The following SMU1 variants were observed in gnomAD, a reference collection of about 807,000 sequenced individuals.
The protein encoded by SMU1 is SMU1 DNA replication regulator and spliceosomal factor, also known as WD40 repeat-containing protein SMU1.
A neutral mutation model predicts 62.0 loss-of-function variants in SMU1; 2 were observed. That is an observed-to-expected ratio of 0.03 (90% confidence interval 0.01 to 0.10). The LOEUF is 0.10. Ranked by LOEUF, SMU1 falls within the 10% of genes least tolerant of loss-of-function variation. The probability of loss-of-function intolerance (pLI) is 1.00; values close to 1 mark genes in which losing one functional copy is unlikely to be tolerated. For missense variants in SMU1, 227 were observed against 622.1 expected, an observed-to-expected ratio of 0.36 and a Z score of 6.76; for synonymous variants, 188 against 212.4, an observed-to-expected ratio of 0.89 and a Z score of 1.00.
At chr9:33,071,457 G>C (rs1179327107) in intron 3 of SMU1, among the ~76,000 whole-genome samples, 1 of 152,124 alleles carries the variant, frequency 6.6e-6, no homozygotes, top group Non-Finnish European at 1.5e-5. Context: ...GGCTAATGTG[G>C]AAATGACATC....
chr9:33,061,621 T>TA (rs1313052248), intron 5 of SMU1, among the ~76,000 whole-genome samples: 1 of 152,116 alleles, frequency 6.6e-6, no homozygotes, highest in Non-Finnish European at 1.5e-5. Flanking sequence ...CATAGGAAGA[T>TA]AAAATCATTT....
chr9:33,065,679 C>A (rs1329568147), intron 4 of SMU1, among the ~76,000 whole-genome samples: 3 of 152,118 alleles, frequency 2.0e-5, no homozygotes, highest in African/African-American at 7.2e-5. Flanking sequence ...CCTTCAAGCA[C>A]AAGGCATGCT....
intron 1 of SMU1, among the ~76,000 whole-genome samples, chr9:33,075,926 C>G (rs1477526730): frequency 6.6e-6 from 1 of 152,174 alleles, no homozygotes; most frequent in Admixed American, 6.5e-5. Flanking sequence ...CTAGCCCAGT[C>G]TCCAGTCTGT....
chr9:33,064,084 C>T (rs1205670501), intron 4 of SMU1, among the ~76,000 whole-genome samples: 2 of 151,992 alleles, frequency 1.3e-5, no homozygotes, highest in Non-Finnish European at 2.9e-5. Context: ...TTTATGTTTG[C>T]TGCAAAGAAT....
intron 5 of SMU1, 82 bp from the exon 6 acceptor site, chr9:33,060,666 C>T (rs1839351945): frequency 6.4e-7 from 1 of 1,560,948 alleles, no homozygotes; most frequent in Admixed American, 1.9e-5. Flanking sequence ...TTTGAGAAAC[C>T]CTGCCCTAGC....
chr9:33,071,590 C>T, intron 3 of SMU1, 150 bp downstream of exon 3: 2 of 808,020 alleles, frequency 2.5e-6, no homozygotes, highest in African/African-American at 1.8e-5. Context: ...CAAATTTCAG[C>T]CAACATATAT....
chr9:33,055,055 G>T (rs905999694), intron 9 of SMU1, among the ~76,000 whole-genome samples: 8 of 152,228 alleles, frequency 5.3e-5, no homozygotes, highest in African/African-American at 1.9e-4. Context: ...ACAGCTCTGT[G>T]TGATTTCCCC....
chr9:33,058,647 G>C (rs994763310), intron 6 of SMU1, among the ~76,000 whole-genome samples: 13 of 151,974 alleles, frequency 8.6e-5, no homozygotes, highest in African/African-American at 3.1e-4. Flanking sequence ...GTGGATAAAA[G>C]TTAGTAAATA....
At chr9:33,071,546 G>C (rs1839486802) in intron 3 of SMU1, among the ~76,000 whole-genome samples, 194 bp downstream of exon 3, 1 of 150,316 alleles carries the variant, frequency 6.7e-6, no homozygotes, top group Admixed American at 6.7e-5. Flanking sequence ...CAAATAATCA[G>C]AAAACTGAAC....
In SMU1 at chr9:33,056,982, A is replaced by G; in HGVS notation, c.868-18T>C. The G allele has an allele frequency of 1.3e-6, 2 of 1,591,038 alleles. No individual in the cohort carries two copies. Among genetic ancestry groups the G allele is most frequent in the Non-Finnish European group, 1.7e-6 (2 of 1,174,226 alleles). ...TTCCACACCTTTATTTGAAAAAAAA[A>G]AAAGAATTAAAAAAACCTTGTTAAG... is the stretch of plus-strand genomic sequence containing the variant. On this transcript the variant is annotated intron_variant, in intron 7 of 11. Coordinates refer to ENST00000397149, the MANE Select transcript of SMU1 (RefSeq NM_018225.3).
At chr9:33,063,786 C>G (rs1448850211) in intron 4 of SMU1, among the ~76,000 whole-genome samples, 1 of 151,968 alleles carries the variant, frequency 6.6e-6, no homozygotes, top group African/African-American at 2.4e-5. Flanking sequence ...ACCCACCCCC[C>G]TGACACCCCC....
chr9:33,060,731 G>T, intron 5 of SMU1, 147 bp from the exon 6 acceptor site: 1 of 944,250 alleles, frequency 1.1e-6, no homozygotes, highest in Admixed American at 3.5e-5. Context: ...TTCTGTACCT[G>T]GACGCAGGGA....
chr9:33,057,859 G>C, intron 6 of SMU1, 145 bp from the exon 7 acceptor site: 1 of 842,420 alleles, frequency 1.2e-6, no homozygotes, highest in Non-Finnish European at 1.8e-6. Context: ...CACGTTCCTA[G>C]TAAGTAACTA....
rs1839159640 is a variant in SMU1, at chr9:33,044,358, T to C, written c.*2935A>G. 1 of 152,238 alleles carries C rather than the reference T, an allele frequency of 6.6e-6. No individual in the cohort carries two copies. Among genetic ancestry groups the C allele is most frequent in the Non-Finnish European group, 1.5e-5 (1 of 68,038 alleles). The allele number at this position is 152,238 out of a possible 1,614,324, so 9.4% of individuals were successfully genotyped here. ...ACGTCTGCAGGCCCTGACAGTTGGCTCTAGCGGGTGCGCAGTCTCCCTACC... is the reference window on the plus strand; with the variant it reads ...ACGTCTGCAGGCCCTGACAGTTGGCCCTAGCGGGTGCGCAGTCTCCCTACC... On this transcript the variant is annotated 3_prime_UTR_variant, in exon 12 of 12. Transcript: ENST00000397149.
intron 10 of SMU1, among the ~76,000 whole-genome samples, chr9:33,051,542 T>C (rs7846968): frequency 0.35 from 52,804 of 151,986 alleles, 9,610 homozygotes; most frequent in African/African-American, 0.45. Context: ...ACTGATAGTG[T>C]GGAAGGCTGT....
intron 4 of SMU1, among the ~76,000 whole-genome samples, chr9:33,064,849 T>G (rs1043466873): frequency 3.9e-5 from 6 of 152,100 alleles, no homozygotes; most frequent in Admixed American, 2.0e-4. Flanking sequence ...TTCAAGTGAT[T>G]CTTCTGCCTC....
chr9:33,075,711 A>C (rs928611278), intron 1 of SMU1, among the ~76,000 whole-genome samples: 6 of 152,200 alleles, frequency 3.9e-5, no homozygotes, highest in Admixed American at 1.3e-4. Context: ...GTATTTGCTG[A>C]ATGCATAAAC....
At chr9:33,053,318 C>A in intron 9 of SMU1, 28 bp from the exon 10 acceptor site, 1 of 1,600,716 alleles carries the variant, frequency 6.2e-7, no homozygotes, top group Non-Finnish European at 8.5e-7. Context: ...AAGTTATAAA[C>A]CTTTTTTAGG....
intron 10 of SMU1, among the ~76,000 whole-genome samples, chr9:33,052,617 C>T (rs940617103): frequency 5.9e-5 from 9 of 152,220 alleles, no homozygotes; most frequent in African/African-American, 2.2e-4. Context: ...GGTCCTCAAA[C>T]TTGATGCTTC....
Sources: gnomAD v4.1 joint callset for allele counts (sites outside exome capture counted in the v4.1 genomes callset) on GRCh38, gnomAD v4.1.1 for gene constraint, MANE v1.5 for transcripts, NCBI Gene and HGNC (gene_info 2026-07-23, HGNC 2026-07-21) for gene names.